DMXL1: variants seen among roughly 807,000 people sequenced by gnomAD.
The protein encoded by DMXL1 is Dmx like 1, also known as dmX-like protein 1.
In DMXL1, 99 loss-of-function variants were observed where a neutral mutation model predicts 319.2. That is an observed-to-expected ratio of 0.31 (90% CI 0.26 to 0.37). DMXL1 has a LOEUF of 0.37. DMXL1 is among the 10% of genes least tolerant of loss of function. DMXL1 has a pLI of 1.00. For synonymous variants in DMXL1, 1,385 were observed against 1,235.2 expected, an observed-to-expected ratio of 1.12 and a Z score of -2.54; for missense variants, 3,745 against 3,595.6, an observed-to-expected ratio of 1.04 and a Z score of -1.06.
intron 38 of DMXL1, among the ~76,000 whole-genome samples, chr5:119,231,418 G>C (rs1561929674): frequency 1.3e-5 from 2 of 152,100 alleles, no homozygotes. Context: ...TTCTAGACCT[G>C]ATCTGAATGA....
At chr5:119,241,069 A>C (rs1680937725) in intron 42 of DMXL1, among the ~76,000 whole-genome samples, 1 of 152,168 alleles carries the variant, frequency 6.6e-6, no homozygotes, top group Admixed American at 6.5e-5. Context: ...CTAATAGCCT[A>C]GTGTTTACTG....
chr5:119,119,606 G>T (rs772777613), intron 8 of DMXL1, among the ~76,000 whole-genome samples: 3 of 150,672 alleles, frequency 2.0e-5, no homozygotes, highest in Non-Finnish European at 4.4e-5. Flanking sequence ...CATGATCTTG[G>T]CTCACTGTAT....
chr5:119,150,073 G>C lies in DMXL1; in HGVS notation c.4246G>C (p.Asp1416His). ...LPLYALLAAD[D>H]DSCYSSLEKS... ...TTTATATGCCTTACTTGCAGCAGAT[G>C]ATGATAGCTGTTACTCATCTTTGGA... is the stretch of plus-strand genomic sequence containing the variant. Residue 1416 changes from aspartate to histidine, a missense_variant, in exon 18 of 44, where the codon GAT (aspartate) becomes CAT (histidine). By Grantham distance (81) the Asp-to-His change is moderately conservative. Around this residue, in one of 4 missense-constraint regions of DMXL1, gnomAD observed 2,096 missense variants for 1,985.4 expected, o/e 1.06. Transcript: ENST00000539542. 1 of 1,613,884 alleles carries C rather than the reference G, an allele frequency of 6.2e-7. No individual in the cohort carries two copies. Among genetic ancestry groups the C allele is most frequent in the Non-Finnish European group, 8.5e-7 (1 of 1,179,900 alleles).
intron 34 of DMXL1, among the ~76,000 whole-genome samples, chr5:119,208,802 C>T (rs1782223846): frequency 6.6e-6 from 1 of 152,158 alleles, no homozygotes; most frequent in Non-Finnish European, 1.5e-5. Context: ...TCACCACAAC[C>T]AGGATAATGA....
rs1404060949 is a variant in DMXL1, at chr5:119,147,317, G to C, written c.2758G>C (p.Glu920Gln). ...QPEEHYSSSPEKILSPFSQKY... is the reference protein window; with the variant it reads ...QPEEHYSSSPQKILSPFSQKY... ...AGAAGAACATTATTCTTCTTCTCCA[G>C]AGAAGATCCTATCTCCTTTTTCACA... is the stretch of plus-strand genomic sequence containing the variant. The change falls in exon 17 of 44, where the codon GAG (glutamate) becomes CAG (glutamine). Residue 920 changes from glutamate (E) to glutamine (Q), a missense_variant. Physicochemically the swap from Glu to Gln is conservative, Grantham distance 29. Transcript: ENST00000539542. The C allele has an allele frequency of 1.2e-6, 2 of 1,613,422 alleles. No individual in the cohort carries two copies. Among genetic ancestry groups the C allele is most frequent in the Non-Finnish European group, 1.7e-6 (2 of 1,179,722 alleles).
intron 38 of DMXL1, among the ~76,000 whole-genome samples, chr5:119,231,201 C>A (rs950612198): frequency 6.8e-4 from 103 of 152,256 alleles, no homozygotes; most frequent in African/African-American, 2.4e-3. Flanking sequence ...CACCATAATT[C>A]TAAATTGTCT....
chr5:119,236,605 A>G (rs1279196334), intron 39 of DMXL1: 2 of 152,008 alleles, frequency 1.3e-5, no homozygotes, highest in Non-Finnish European at 2.9e-5. Context: ...TAAATGCTAT[A>G]TTGTGAATTT....
At chr5:119,206,720 A>T in intron 33 of DMXL1, 114 bp from the exon 34 acceptor site, 1 of 602,500 alleles carries the variant, frequency 1.7e-6, no homozygotes, top group Non-Finnish European at 2.8e-6. Context: ...ACTCCATATA[A>T]TGTTCTTTTC....
chr5:119,102,315 C>T, intron 3 of DMXL1: 1 of 222,762 alleles, frequency 4.5e-6, no homozygotes, highest in South Asian at 7.4e-5. Flanking sequence ...ATACCGTTGT[C>T]CAGCCATATG....
At chr5:119,114,236 T>C (rs1760313089) in intron 5 of DMXL1, among the ~76,000 whole-genome samples, 1 of 152,216 alleles carries the variant, frequency 6.6e-6, no homozygotes, top group African/African-American at 2.4e-5. Flanking sequence ...GTTACAACTT[T>C]TGTTTTAGGC....
intron 3 of DMXL1, among the ~76,000 whole-genome samples, chr5:119,103,356 A>G (rs888580500): frequency 1.3e-5 from 2 of 152,220 alleles, no homozygotes; most frequent in Non-Finnish European, 2.9e-5. Context: ...TTTTCATGTC[A>G]TCTTCACTTA....
chr5:119,151,921 C>T lies in DMXL1; in HGVS notation c.4595-8C>T. 6.3e-7 allele frequency: 1 copy of T among 1,585,384 alleles called. No individual in the cohort carries two copies. The highest frequency in any genetic ancestry group is 8.7e-7 in the Non-Finnish European group (1 of 1,155,064). On this transcript the variant is annotated splice_polypyrimidine_tract_variant and splice_region_variant and intron_variant, in intron 18 of 43. Transcript: ENST00000539542. ...TTAATACATTGCTTCCCCTTTCTCC[C>T]ATTGCAGGTGGAGAAACTCTTGATG...
At chr5:119,194,862 C>T (rs1382559580) in intron 30 of DMXL1, among the ~76,000 whole-genome samples, 1 of 151,734 alleles carries the variant, frequency 6.6e-6, no homozygotes, top group Non-Finnish European at 1.5e-5. Context: ...CAAGACCAGC[C>T]CAGGCAACAT....
intron 9 of DMXL1, among the ~76,000 whole-genome samples, chr5:119,124,920 G>T (rs899245948): frequency 3.3e-5 from 5 of 152,050 alleles, no homozygotes; most frequent in East Asian, 3.9e-4. Context: ...ACCAAAATTT[G>T]TTATAAATTA....
chr5:119,203,540 G>A (rs905571210), intron 33 of DMXL1, 104 bp downstream of exon 33: 4 of 570,834 alleles, frequency 7.0e-6, no homozygotes, highest in Non-Finnish European at 8.6e-6. Context: ...TTGAAAACAC[G>A]TATCATAAAC....
At chr5:119,122,303 G>A (rs1394790561) in intron 9 of DMXL1, among the ~76,000 whole-genome samples, 5 of 146,874 alleles carry the variant, frequency 3.4e-5, no homozygotes, top group Admixed American at 6.7e-5. Context: ...GCGGCTGGCC[G>A]GGCGGGGGGC....
chr5:119,090,666 G>A (rs548982452), intron 1 of DMXL1, among the ~76,000 whole-genome samples: 26 of 150,766 alleles, frequency 1.7e-4, no homozygotes, highest in African/African-American at 6.1e-4. Flanking sequence ...GTGTTCAAGC[G>A]ATTCTCCTGC....
Position 119,193,945 on chromosome 5 carries a change from G to A in DMXL1, c.7432G>A (p.Glu2478Lys), listed in dbSNP as rs766276502. Residue 2478 changes from glutamate (E) to lysine (K), a missense_variant, in exon 30 of 44, where the codon GAA becomes AAA. By Grantham distance (56) the Glu-to-Lys change is moderately conservative (BLOSUM62 1). Coordinates refer to ENST00000539542, the MANE Select transcript of DMXL1 (RefSeq NM_001290321.3). ...DVLASDFHLQ[E>K]HSNSNSYSWS... The stretch of plus-strand genomic sequence containing the variant: ...TTTAGCATCAGATTTCCATCTCCAG[G>A]AACATTCTAATTCAAATTCATATAG... 6.2e-7 allele frequency: 1 copy of A among 1,608,086 alleles called. No individual in the cohort carries two copies. The highest frequency in any genetic ancestry group is 1.1e-5 in the South Asian group (1 of 90,164).
chr5:119,104,843 A>T (rs1757985388), intron 3 of DMXL1, among the ~76,000 whole-genome samples: 6 of 152,214 alleles, frequency 3.9e-5, no homozygotes, highest in Admixed American at 3.9e-4. Flanking sequence ...AAGAGAAGGA[A>T]ATGTCAAATA....
Sources: allele counts gnomAD v4.1 joint callset (sites outside exome capture counted in the v4.1 genomes callset), GRCh38; gene constraint gnomAD v4.1.1; regional missense constraint gnomAD v4.1.1; transcripts MANE v1.5; gene names NCBI Gene and HGNC (gene_info 2026-07-23, HGNC 2026-07-21).